Variants in CFHR1 observed in about 807,000 individuals in gnomAD.
The protein encoded by CFHR1 is complement factor H related 1.
A neutral mutation model predicts 30.4 loss-of-function variants in CFHR1; 22 were observed. The observed-to-expected ratio is 0.72, with a 90% confidence interval of 0.52 to 1.03. The LOEUF is 1.03. Among genes scored for constraint, CFHR1 ranks in the 50% least tolerant of loss-of-function variants. The pLI is 0.00. For missense variants in CFHR1, 248 were observed against 380.6 expected (o/e 0.65, Z 2.90); for synonymous variants, 95 against 129.1 (o/e 0.74, Z 1.79).
rs756099693 is a variant in CFHR1 at position 196,826,808 on chromosome 1, T to C, written c.254-21T>C. The C allele has an allele frequency of 6.0e-6, 9 of 1,509,474 alleles. 1 individual carries two copies. The African/African-American group carries it at 1.4e-4, about 23-fold the overall frequency. 93.5% of individuals were successfully genotyped at this position (1,509,474 alleles called of 1,614,324 possible). The stretch of plus-strand genomic sequence containing the variant: ...TCTTTGCTACTTCCATCTTGTACAT[T>C]AATCCGTTTTTGGTCCTTAGGACTG... On this transcript the variant is annotated intron_variant, in intron 2 of 5. Transcript: ENST00000320493.
Position 196,825,654 on chromosome 1 carries a change from C to A in CFHR1, c.236C>A (p.Pro79Gln), listed in dbSNP as rs754574977. The A allele has an allele frequency of 8.2e-5, 125 of 1,523,188 alleles. 18 individuals carry two copies. The highest frequency in any genetic ancestry group is 1.1e-4 in the Non-Finnish European group (122 of 1,127,950). The allele number at this position is 1,523,188 out of a possible 1,614,324, so 94.4% of individuals were successfully genotyped here. ...ACATGCACAGAAGAAGGATGGTCAC[C>A]AACACCAAAGTGTCTCAGTGAGTAA... ...RITCTEEGWS[P>Q]TPKCLRLCFF... The change falls in exon 2 of 6, where the codon CCA (proline) becomes CAA (glutamine). Residue 79 changes from proline to glutamine, a missense_variant. Physicochemically the swap from Pro to Gln is moderately conservative, Grantham distance 76. Coordinates refer to ENST00000320493, the MANE Select transcript of CFHR1 (RefSeq NM_002113.3).
At position 196,831,942 on chromosome 1, in the gene CFHR1, A is replaced by G. The variant is rs369080858; in HGVS notation, c.936A>G (p.Thr312=). The G allele has an allele frequency of 2.6e-6, 4 of 1,525,386 alleles. No homozygotes were observed. The highest frequency in any genetic ancestry group is 1.7e-5 in the African/African-American group (1 of 58,752). 94.5% of individuals were successfully genotyped at this position (1,525,386 alleles called of 1,614,324 possible). Residue 312 remains threonine (T), a synonymous_variant, in exon 6 of 6, where the codon ACA becomes ACG. Coordinates refer to ENST00000320493, the MANE Select transcript of CFHR1 (RefSeq NM_002113.3). ...RGYRLSSRSH[T]LRTTCWDGKL... Reference sequence around the variant, plus strand: ...ATCGTCTTTCATCACGTTCTCACACATTGCGAACAACATGTTGGGATGGGA... The same window carrying G: ...ATCGTCTTTCATCACGTTCTCACACGTTGCGAACAACATGTTGGGATGGGA...
intron 1 of CFHR1, among the ~76,000 whole-genome samples, chr1:196,822,829 C>T (rs114750724): frequency 0.029 from 3,967 of 135,016 alleles, 1,199 homozygotes; most frequent in African/African-American, 0.12. Context: ...AGTAACACTT[C>T]TATATTATCA....
In CFHR1 at chr1:196,830,943, T is replaced by C. The variant is rs411185; in HGVS notation, c.790+261T>C. Among the ~76,000 whole-genome samples, 63,968 of 130,978 alleles carry C rather than the reference T, an allele frequency of 0.49. 21,850 individuals are homozygous for C. The highest frequency in any genetic ancestry group is 0.66 in the African/African-American group (19,622 of 29,862). The allele number at this position is 130,978 out of a possible 152,430, so 85.9% of individuals were successfully genotyped here. ...GAGATTGAGACCATCCTGGCTAACA[T>C]GGTGAAACCCCGTCTCTACTAAAAA... On this transcript the variant is annotated intron_variant, in intron 5 of 5. Transcript: ENST00000320493.
rs1655468814 is a variant in CFHR1 at position 196,829,680 on chromosome 1, C to T, written c.608-820C>T. Among the ~76,000 whole-genome samples the T allele has an allele frequency of 1.5e-5, 2 of 135,018 alleles. 1 individual carries two copies. The highest frequency in any genetic ancestry group is 6.3e-5 in the African/African-American group (2 of 31,612). The allele number at this position is 135,018 out of a possible 152,430, so 88.6% of individuals were successfully genotyped here. A position where few individuals can be genotyped will look rare whatever the true frequency, so the allele number is the denominator to read the frequency against. ...ACTTACCATCATTTGAATTGTTGAT[C>T]CCCTCAAGGAAAAGCATAGTTTTTG... On this transcript the variant is annotated intron_variant, in intron 4 of 5. Coordinates refer to ENST00000320493, the MANE Select transcript of CFHR1 (RefSeq NM_002113.3).
rs566198266 is a variant in CFHR1 at position 196,830,085 on chromosome 1, A to G, written c.608-415A>G. Among the ~76,000 whole-genome samples, 186 of 135,480 alleles carry G rather than the reference A, an allele frequency of 1.4e-3. 27 individuals carry two copies. Among genetic ancestry groups the G allele is most frequent in the Middle Eastern group, 3.8e-3 (1 of 260 alleles). The allele number at this position is 135,480 out of a possible 152,430, so 88.9% of individuals were successfully genotyped here. On this transcript the variant is annotated intron_variant, in intron 4 of 5. Transcript: ENST00000320493. ...TATTCAGTGTTTTTAAAAAATTTTT[A>G]TCATACTTTTCCATTTTATAATTCC...
At chr1:196,825,373 C>A in intron 1 of CFHR1, 104 bp from the exon 2 acceptor site, 1 of 908,434 alleles carries the variant, frequency 1.1e-6, no homozygotes, top group Non-Finnish European at 1.6e-6. Flanking sequence ...GGCATTTAAG[C>A]TAAATGAAAG....
intron 1 of CFHR1, among the ~76,000 whole-genome samples, chr1:196,823,099 ATATGTGTGTG>A (rs1655182736): frequency 2.2e-5 from 1 of 45,696 alleles, no homozygotes; most frequent in African/African-American, 1.3e-4. Context: ...ATATATATAT[ATATGTGTGTG>A]TGTGTGTGTG....
At chr1:196,823,369 A>T (rs1655198285) in intron 1 of CFHR1, among the ~76,000 whole-genome samples, 1 of 134,888 alleles carries the variant, frequency 7.4e-6, no homozygotes. Context: ...TGGATAGCAA[A>T]GAATATGTAG....
In CFHR1 at chr1:196,831,947, G is replaced by A. The variant is rs1237921506; in HGVS notation, c.941G>A (p.Arg314Gln). ...YRLSSRSHTL[R>Q]TTCWDGKLEY... ...CTTTCATCACGTTCTCACACATTGC[G>A]AACAACATGTTGGGATGGGAAACTG... Residue 314 changes from arginine to glutamine, a missense_variant, in exon 6 of 6, where the codon CGA becomes CAA. Arg to Gln is a conservative substitution (Grantham distance 43, BLOSUM62 1). This residue lies in a region of CFHR1 where 112 missense variants were observed against 156.4 expected (regional missense o/e 0.72). Coordinates refer to ENST00000320493, the MANE Select transcript of CFHR1 (RefSeq NM_002113.3). The A allele has an allele frequency of 1.8e-5, 28 of 1,525,002 alleles. 3 individuals are homozygous for A. In the African/African-American group the frequency reaches 2.4e-4, roughly 13 times the overall value. 94.5% of individuals were successfully genotyped at this position (1,525,002 alleles called of 1,614,324 possible). A position where few individuals can be genotyped will look rare whatever the true frequency, so the allele number is the denominator to read the frequency against.
At chr1:196,821,223 C>A (rs1655108983) in intron 1 of CFHR1, 1 of 134,958 alleles carries the variant, frequency 7.4e-6, no homozygotes, top group South Asian at 2.5e-4. Flanking sequence ...TTTGATTTTT[C>A]TTAAGTCTGT....
intron 1 of CFHR1, among the ~76,000 whole-genome samples, chr1:196,823,689 C>A (rs112091767): frequency 0.026 from 3,582 of 135,554 alleles, 1,079 homozygotes; most frequent in African/African-American, 0.11. Flanking sequence ...TCTTATGCAG[C>A]AGTACTATAT....
In CFHR1 at chr1:196,823,033, T is replaced by C. The variant is rs540007095; in HGVS notation, c.59-2444T>C. Among the ~76,000 whole-genome samples, 960 of 132,960 alleles carry C rather than the reference T, an allele frequency of 7.2e-3. 128 individuals are homozygous for C. The highest frequency in any genetic ancestry group is 7.8e-3 in the Non-Finnish European group (494 of 63,728). 87.2% of individuals were successfully genotyped at this position (132,960 alleles called of 152,430 possible). On this transcript the variant is annotated intron_variant, in intron 1 of 5. Coordinates refer to ENST00000320493, the MANE Select transcript of CFHR1 (RefSeq NM_002113.3). ...TCTTATGGGTCCACTGTCATATAAGTGATCAGTCATTGACCAAAATGTCAT... is the reference window on the plus strand; with the variant it reads ...TCTTATGGGTCCACTGTCATATAAGCGATCAGTCATTGACCAAAATGTCAT...
rs1389869626 is a variant in CFHR1, at chr1:196,824,306, C to T, written c.59-1171C>T. Among the ~76,000 whole-genome samples, 3 of 132,932 alleles carry T rather than the reference C, an allele frequency of 2.3e-5. 1 individual carries two copies. The East Asian group carries it at 5.9e-4, about 26-fold the overall frequency. 87.2% of individuals were successfully genotyped at this position (132,932 alleles called of 152,430 possible). A position where few individuals can be genotyped will look rare whatever the true frequency, so the allele number is the denominator to read the frequency against. On this transcript the variant is annotated intron_variant, in intron 1 of 5. Coordinates refer to ENST00000320493, the MANE Select transcript of CFHR1 (RefSeq NM_002113.3). ...AGTCTTGCTCTGTCGCCCCCAGGCT[C>T]GAGTTTAGTGGCATGATCTCCGCTC... is the stretch of plus-strand genomic sequence containing the variant.
rs1655381407 is a variant in CFHR1, at chr1:196,827,505, T to C, written c.430+500T>C. 1.5e-5 allele frequency among the ~76,000 whole-genome samples: 2 copies of C among 135,950 alleles called. 1 individual carries two copies. Among genetic ancestry groups the C allele is most frequent in the Non-Finnish European group, 3.1e-5 (2 of 64,500 alleles). 89.2% of individuals were successfully genotyped at this position (135,950 alleles called of 152,430 possible). On this transcript the variant is annotated intron_variant, in intron 3 of 5. Transcript: ENST00000320493. ...TTATTATTATAGACTTATTTTCTTT[T>C]ATTTTTCCACATCTCCAATTTAGAT...
rs1655590345 is a variant in CFHR1, at chr1:196,832,077, T to G, written c.*78T>G. 2 of 1,318,122 alleles carry G rather than the reference T, an allele frequency of 1.5e-6. No homozygotes were observed. The highest frequency in any genetic ancestry group is 3.8e-5 in the African/African-American group (2 of 52,490). 81.7% of individuals were successfully genotyped at this position (1,318,122 alleles called of 1,614,324 possible). On this transcript the variant is annotated 3_prime_UTR_variant, in exon 6 of 6. Transcript: ENST00000320493. ...CTTAATTTCATTTTTAAGTATTGTTTTACTCCTTTTTATTCATACGTAAAA... is the reference window on the plus strand; with the variant it reads ...CTTAATTTCATTTTTAAGTATTGTTGTACTCCTTTTTATTCATACGTAAAA...
rs576836277 is a variant in CFHR1, at chr1:196,831,817, G to A, written c.811G>A (p.Glu271Lys). Residue 271 changes from glutamate to lysine, a missense_variant, in exon 6 of 6, where the codon GAA becomes AAA. Glu to Lys is a moderately conservative substitution (Grantham distance 56). Transcript: ENST00000320493. ...TTCAGATCCGTGTGTAATATCCCGA[G>A]AAATTATGGAAAATTATAACATAGC... ...KCLHPCVISR[E>K]IMENYNIALR... is the part of the protein sequence containing the mutation. 1.3e-6 allele frequency: 2 copies of A among 1,524,930 alleles called. No homozygotes were observed. Among genetic ancestry groups the A allele is most frequent in the East Asian group, 4.5e-5 (2 of 44,572 alleles). The allele number at this position is 1,524,930 out of a possible 1,614,324, so 94.5% of individuals were successfully genotyped here. A position where few individuals can be genotyped will look rare whatever the true frequency, so the allele number is the denominator to read the frequency against.
rs148493900 is a variant in CFHR1 at position 196,822,615 on chromosome 1, C to T, written c.58+2713C>T. Among the ~76,000 whole-genome samples the T allele has an allele frequency of 8.1e-3, 1,085 of 134,424 alleles. 319 individuals are homozygous for T. The highest frequency in any genetic ancestry group is 0.033 in the African/African-American group (1,041 of 31,202). 88.2% of individuals were successfully genotyped at this position (134,424 alleles called of 152,430 possible). On this transcript the variant is annotated intron_variant, in intron 1 of 5. Coordinates refer to ENST00000320493, the MANE Select transcript of CFHR1 (RefSeq NM_002113.3). ...CATCAGTATCACTGTCTTCTTCCCC[C>T]GCTCTTGTCCCACTGGAAGGTCTTC...
At position 196,832,037 on chromosome 1, in the gene CFHR1, A is replaced by C. The variant is rs369112410; in HGVS notation, c.*38A>C. On this transcript the variant is annotated 3_prime_UTR_variant, in exon 6 of 6. Transcript: ENST00000320493. Reference sequence around the variant, plus strand: ...AATGCACACCTTTATTCAGAACTTTAGTATTAAATCAGTTCTTAATTTCAT... The same window carrying C: ...AATGCACACCTTTATTCAGAACTTTCGTATTAAATCAGTTCTTAATTTCAT... 273 of 1,473,780 alleles carry C rather than the reference A, an allele frequency of 1.9e-4. 69 individuals are homozygous for C. In the African/African-American group the frequency reaches 3.9e-3, roughly 21 times the overall value. 91.3% of individuals were successfully genotyped at this position (1,473,780 alleles called of 1,614,324 possible).
Sources: allele counts gnomAD v4.1 joint callset (sites outside exome capture counted in the v4.1 genomes callset), GRCh38; gene constraint gnomAD v4.1.1; regional missense constraint gnomAD v4.1.1; transcripts MANE v1.5; gene names NCBI Gene and HGNC (gene_info 2026-07-23, HGNC 2026-07-21).